RARB: variants seen among roughly 807,000 people sequenced by gnomAD.
RARB encodes HBV-activated protein.
Under a neutral mutation model 51.9 loss-of-function variants are expected in RARB, and 17 were observed. That is an observed-to-expected ratio of 0.33 (90% CI 0.22 to 0.49). RARB has a LOEUF of 0.49. RARB is among the 20% of genes least tolerant of loss of function. The pLI is 0.99. For missense variants in RARB, 369 were observed against 550.8 expected, an observed-to-expected ratio of 0.67 and a Z score of 3.30; for synonymous variants, 215 against 195.4, an observed-to-expected ratio of 1.10 and a Z score of -0.84.
intron 5 of RARB, among the ~76,000 whole-genome samples, chr3:25,591,516 G>C (rs1367518844): frequency 6.6e-6 from 1 of 152,166 alleles, no homozygotes; most frequent in Non-Finnish European, 1.5e-5. Context: ...TTAAAACCAT[G>C]GGTTCTAGAA....
At chr3:25,587,868 G>A (rs1701462204) in intron 5 of RARB, among the ~76,000 whole-genome samples, 1 of 152,174 alleles carries the variant, frequency 6.6e-6, no homozygotes, top group African/African-American at 2.4e-5. Flanking sequence ...TGAGCAACCT[G>A]AGCTTTCTCC....
intron 2 of RARB, among the ~76,000 whole-genome samples, chr3:25,018,013 G>T (rs1319886390): frequency 6.6e-6 from 1 of 152,078 alleles, no homozygotes; most frequent in Admixed American, 6.6e-5. Context: ...CTCACACCTT[G>T]GTCTTGGACT....
intron 1 of RARB, among the ~76,000 whole-genome samples, chr3:24,834,407 A>G (rs1702316495): frequency 6.6e-6 from 1 of 152,242 alleles, no homozygotes; most frequent in Non-Finnish European, 1.5e-5. Context: ...ACTGAGAATC[A>G]AGCATGTTCA....
intron 3 of RARB, among the ~76,000 whole-genome samples, chr3:25,519,172 T>G (rs988401335): frequency 1.3e-5 from 2 of 152,212 alleles, no homozygotes; most frequent in Non-Finnish European, 2.9e-5. Context: ...TTTCTCATGT[T>G]GATGGACATT....
chr3:25,223,240 C>T (rs993476262), intron 5 of RARB, among the ~76,000 whole-genome samples: 3 of 152,172 alleles, frequency 2.0e-5, no homozygotes, highest in African/African-American at 7.2e-5. Context: ...GAATGTCATA[C>T]ATATGGAATT....
chr3:25,068,569 C>T (rs191842157), intron 3 of RARB, among the ~76,000 whole-genome samples: 57 of 152,152 alleles, frequency 3.7e-4, no homozygotes, highest in East Asian at 3.9e-4. Context: ...AAAAAATTAA[C>T]GGAAGTTATG....
intron 5 of RARB, among the ~76,000 whole-genome samples, chr3:25,391,914 C>T (rs1254096430): frequency 6.6e-6 from 1 of 151,916 alleles, no homozygotes; most frequent in Admixed American, 6.6e-5. Context: ...ATCTATTTAT[C>T]TTTGTTTTTA....
In RARB at chr3:25,331,787, T is replaced by C. The variant is rs564678815; in HGVS notation, c.179-129406T>C. ...ACTGATAGACCACTAGCAGGACTAATAAAGAAGAAAAGAGAGAAGAATCAA... is the reference window on the plus strand; with the variant it reads ...ACTGATAGACCACTAGCAGGACTAACAAAGAAGAAAAGAGAGAAGAATCAA... On this transcript the variant is annotated intron_variant, in intron 5 of 11. Coordinates refer to the RARB transcript ENST00000383772. Among the ~76,000 whole-genome samples, 11 of 151,708 alleles carry C rather than the reference T, an allele frequency of 7.3e-5. No individual in the cohort carries two copies. In the East Asian group the frequency reaches 1.2e-3, roughly 16 times the overall value.
chr3:25,532,141 G>A (rs1698955430), intron 3 of RARB, among the ~76,000 whole-genome samples: 1 of 152,200 alleles, frequency 6.6e-6, no homozygotes, highest in Admixed American at 6.5e-5. Flanking sequence ...AGGGAGGGCT[G>A]CAAAGGGCTC....
At chr3:25,047,029 A>G (rs1383431030) in intron 2 of RARB, among the ~76,000 whole-genome samples, 3 of 152,138 alleles carry the variant, frequency 2.0e-5, no homozygotes, top group African/African-American at 4.8e-5. Flanking sequence ...TTTGTGGTGT[A>G]TCATTGGACC....
chr3:24,857,332 T>C (rs1702654356), intron 1 of RARB, among the ~76,000 whole-genome samples: 1 of 152,192 alleles, frequency 6.6e-6, no homozygotes, highest in Non-Finnish European at 1.5e-5. Context: ...TGCAACACGC[T>C]CACTAAACTT....
At chr3:25,579,913 A>G (rs147512688) in intron 4 of RARB, among the ~76,000 whole-genome samples, 4 of 152,306 alleles carry the variant, frequency 2.6e-5, no homozygotes, top group African/African-American at 9.6e-5. Context: ...TAAGAGATTA[A>G]CAAGTACTGA....
intron 5 of RARB, among the ~76,000 whole-genome samples, chr3:25,176,070 G>A (rs1428933386): frequency 6.6e-6 from 1 of 152,124 alleles, no homozygotes; most frequent in Non-Finnish European, 1.5e-5. Flanking sequence ...TAATTCCGTT[G>A]CTCAACTGGC....
intron 5 of RARB, among the ~76,000 whole-genome samples, chr3:25,406,270 G>C (rs575758721): frequency 1.5e-4 from 23 of 152,308 alleles, no homozygotes; most frequent in African/African-American, 5.1e-4. Flanking sequence ...TTGTCCTCCT[G>C]TATATAGGAA....
In RARB at chr3:25,569,931, C is replaced by A. The variant is rs1206475814; in HGVS notation, c.609+13C>A. 3 of 1,611,604 alleles carry A rather than the reference C, an allele frequency of 1.9e-6. No homozygotes were observed. The highest frequency in any genetic ancestry group is 1.1e-5 in the South Asian group (1 of 90,698). On this transcript the variant is annotated intron_variant, in intron 4 of 7. Transcript: ENST00000330688. ...TAAATACACCACGGTAAGAGATACT[C>A]CTGCCCCAGGCTGCTGGGAGTGTGG...
At chr3:24,939,127 C>CG (rs1223298502) in intron 2 of RARB, among the ~76,000 whole-genome samples, 1 of 151,804 alleles carries the variant, frequency 6.6e-6, no homozygotes, top group Non-Finnish European at 1.5e-5. Context: ...GGATTACAGG[C>CG]GTGCACCACG....
intron 3 of RARB, among the ~76,000 whole-genome samples, chr3:25,070,781 G>A (rs1183600823): frequency 2.0e-5 from 3 of 152,152 alleles, no homozygotes; most frequent in Non-Finnish European, 4.4e-5. Flanking sequence ...TTTAGTCCCT[G>A]CAGGCATCAG....
chr3:25,004,131 G>A (rs1272464143), intron 2 of RARB, among the ~76,000 whole-genome samples: 1 of 152,076 alleles, frequency 6.6e-6, no homozygotes, highest in African/African-American at 2.4e-5. Context: ...CATTTCAAGA[G>A]CATGAAGGTT....
At chr3:24,903,907 G>GATCACT (rs1694786233) in intron 2 of RARB, among the ~76,000 whole-genome samples, 4 of 152,116 alleles carry the variant, frequency 2.6e-5, no homozygotes, top group Admixed American at 2.0e-4. Context: ...TAGTGATCTA[G>GATCACT]ATACCTAAGT....
Sources: gnomAD v4.1 joint callset for allele counts (sites outside exome capture counted in the v4.1 genomes callset) on GRCh38, gnomAD v4.1.1 for gene constraint, MANE v1.5 for transcripts, NCBI Gene and HGNC (gene_info 2026-07-23, HGNC 2026-07-21) for gene names.